Variants in ADK observed in about 807,000 individuals in gnomAD.
ADK encodes the protein adenosine kinase.
In ADK, 24 loss-of-function variants were observed where a neutral mutation model predicts 44.7. The ratio of observed to expected loss-of-function variants is 0.54; its 90% confidence interval spans 0.39 to 0.76. ADK has a LOEUF of 0.76. Among genes scored for constraint, ADK ranks in the 30% least tolerant of loss-of-function variants. The probability of loss-of-function intolerance (pLI) is 0.00; values close to 1 mark genes in which losing one functional copy is unlikely to be tolerated. For synonymous variants in ADK, 128 were observed against 142.6 expected (o/e 0.90, Z 0.73); for missense variants, 321 against 425.1 (o/e 0.76, Z 2.15).
At chr10:74,253,211 G>A (rs73284279) in intron 3 of ADK, among the ~76,000 whole-genome samples, 7,457 of 152,288 alleles carry the variant, frequency 0.049, 629 homozygotes, top group African/African-American at 0.17. Context: ...GTTATAGCTC[G>A]GTGACTGCTC....
intron 1 of ADK, among the ~76,000 whole-genome samples, chr10:74,162,834 C>T (rs1023361307): frequency 2.0e-5 from 3 of 152,158 alleles, no homozygotes; most frequent in Non-Finnish European, 2.9e-5. Context: ...TGAGCTACCA[C>T]GCCTGTCCCC....
At chr10:74,408,962 T>C (rs1414743276) in intron 6 of ADK, among the ~76,000 whole-genome samples, 1 of 152,190 alleles carries the variant, frequency 6.6e-6, no homozygotes, top group Admixed American at 6.5e-5. Flanking sequence ...TCAGTTGTAA[T>C]CTTAAATTCA....
At position 74,330,005 on chromosome 10, in the gene ADK, T is replaced by A. The variant is rs1008789833; in HGVS notation, c.273+15260T>A. Reference sequence around the variant, plus strand: ...GACAAAACCCTGTCTCTACAAATAATAAAAAAAAAAAAATTAGCCAGGCAC... The same window carrying A: ...GACAAAACCCTGTCTCTACAAATAAAAAAAAAAAAAAAATTAGCCAGGCAC... On this transcript the variant is annotated intron_variant, in intron 4 of 10. Coordinates refer to ENST00000539909, the MANE Select transcript of ADK (RefSeq NM_006721.4). Among the ~76,000 whole-genome samples, 76 of 147,314 alleles carry A rather than the reference T, an allele frequency of 5.2e-4. 1 individual carries two copies. The East Asian group carries it at 0.013, about 26-fold the overall frequency.
chr10:74,638,424 G>A (rs1252912287), intron 9 of ADK, among the ~76,000 whole-genome samples: 1 of 152,146 alleles, frequency 6.6e-6, no homozygotes, highest in Non-Finnish European at 1.5e-5. Context: ...CACTTTGAGA[G>A]GCTAAGGCTG....
intron 3 of ADK, among the ~76,000 whole-genome samples, chr10:74,302,120 T>TTTTTTTTTTTTTTTTG (rs1840072536): frequency 2.3e-5 from 1 of 42,660 alleles, no homozygotes; most frequent in Non-Finnish European, 7.0e-5. Context: ...TTTTTTTTTT[T>TTTTTTTTTTTTTTTTG]TTTTTTTTTT....
At chr10:74,670,029 C>G (rs988669968) in intron 9 of ADK, among the ~76,000 whole-genome samples, 154 bp from the exon 10 acceptor site, 3 of 152,182 alleles carry the variant, frequency 2.0e-5, no homozygotes, top group African/African-American at 7.2e-5. Context: ...GATTTTGCAC[C>G]TTAGTTCCCA....
chr10:74,429,895 A>G (rs1354415943), intron 6 of ADK, among the ~76,000 whole-genome samples: 2 of 152,236 alleles, frequency 1.3e-5, no homozygotes, highest in South Asian at 2.1e-4. Context: ...TATAGTAGAC[A>G]TTATTCTCTA....
At chr10:74,338,531 G>C (rs538394520) in intron 4 of ADK, among the ~76,000 whole-genome samples, 2 of 152,200 alleles carry the variant, frequency 1.3e-5, no homozygotes, top group East Asian at 3.9e-4. Context: ...ACTTTCAACA[G>C]GTGAATAGAT....
intron 2 of ADK, among the ~76,000 whole-genome samples, chr10:74,210,191 T>G (rs1417597656): frequency 6.6e-6 from 1 of 151,822 alleles, no homozygotes; most frequent in Non-Finnish European, 1.5e-5. Flanking sequence ...TAGCTGGGTG[T>G]GGTGGCACAC....
rs553677993 is a variant in ADK, at chr10:74,550,542, A to G, written c.726+25116A>G. On this transcript the variant is annotated intron_variant, in intron 7 of 10. Coordinates refer to ENST00000539909, the MANE Select transcript of ADK (RefSeq NM_006721.4). ...TCTGGTTTTGCCTCTCCCCTCCAGC[A>G]GTGATAGGAAATAATGGAAGTTTTT... is the stretch of plus-strand genomic sequence containing the variant. Among the ~76,000 whole-genome samples, 148 of 152,260 alleles carry G rather than the reference A, an allele frequency of 9.7e-4. 1 individual carries two copies. The highest frequency in any genetic ancestry group is 3.4e-3 in the African/African-American group (140 of 41,548).
At chr10:74,199,287 C>CT (rs1326903225) in intron 1 of ADK, among the ~76,000 whole-genome samples, 2 of 152,172 alleles carry the variant, frequency 1.3e-5, no homozygotes, top group Non-Finnish European at 2.9e-5. Flanking sequence ...TCCCCATCGT[C>CT]TAAGTAGTGA....
At chr10:74,614,754 A>C (rs1310534523) in intron 9 of ADK, among the ~76,000 whole-genome samples, 1 of 151,172 alleles carries the variant, frequency 6.6e-6, no homozygotes. Flanking sequence ...CCTATAATCA[A>C]CTATTTCTCC....
At chr10:74,486,837 A>T (rs1847283986) in intron 6 of ADK, among the ~76,000 whole-genome samples, 1 of 152,146 alleles carries the variant, frequency 6.6e-6, no homozygotes, top group African/African-American at 2.4e-5. Flanking sequence ...TGTTCCCTTG[A>T]TGAGGGGAAT....
At chr10:74,327,838 G>A (rs1841073773) in intron 4 of ADK, among the ~76,000 whole-genome samples, 1 of 151,994 alleles carries the variant, frequency 6.6e-6, no homozygotes, top group Non-Finnish European at 1.5e-5. Flanking sequence ...TTTTAATCTA[G>A]TAACAACTTA....
intron 6 of ADK, among the ~76,000 whole-genome samples, chr10:74,493,279 T>A (rs1847551342): frequency 6.6e-6 from 1 of 151,932 alleles, no homozygotes; most frequent in Admixed American, 6.6e-5. Flanking sequence ...ACTCCTGGGA[T>A]CAAGTGATCC....
At chr10:74,621,829 C>T (rs1471311163) in intron 9 of ADK, among the ~76,000 whole-genome samples, 1 of 152,118 alleles carries the variant, frequency 6.6e-6, no homozygotes, top group Non-Finnish European at 1.5e-5. Flanking sequence ...TAAGCCACCT[C>T]AAGGTTGGGT....
chr10:74,391,154 C>CTTATTAAGTTCCTTATTAAGTCCTT (rs1843315397), intron 4 of ADK, among the ~76,000 whole-genome samples: 1 of 152,006 alleles, frequency 6.6e-6, no homozygotes, highest in Non-Finnish European at 1.5e-5. Flanking sequence ...ATAATTATTC[C>CTTATTAAGTTCCTTATTAAGTCCTT]ATTAAGACTG....
At chr10:74,248,516 A>T (rs1440962023) in intron 3 of ADK, among the ~76,000 whole-genome samples, 3 of 151,804 alleles carry the variant, frequency 2.0e-5, no homozygotes, top group African/African-American at 7.3e-5. Flanking sequence ...GTGCCACCAC[A>T]CCTAATTTTT....
chr10:74,659,645 A>G (rs527982412), intron 9 of ADK, among the ~76,000 whole-genome samples: 1 of 152,342 alleles, frequency 6.6e-6, no homozygotes, highest in South Asian at 2.1e-4. Flanking sequence ...GTATTAACTC[A>G]CACAATCACA....
Sources: gnomAD v4.1 joint callset for allele counts (sites outside exome capture counted in the v4.1 genomes callset) on GRCh38, gnomAD v4.1.1 for gene constraint, MANE v1.5 for transcripts, NCBI Gene and HGNC (gene_info 2026-07-23, HGNC 2026-07-21) for gene names.